The following ABTB3 variants were observed in gnomAD, a reference collection of about 807,000 sequenced individuals.
The protein encoded by ABTB3 is ankyrin repeat- and BTB/POZ domain-containing protein 3.
the ABTB3 span, among the ~76,000 whole-genome samples, chr12:107,409,556 C>A: frequency 2.6e-5 from 4 of 152,194 alleles, no homozygotes; most frequent in African/African-American, 9.7e-5. Context: ...TCCTTTGCAG[C>A]GACATGGATA....
the ABTB3 span, among the ~76,000 whole-genome samples, chr12:107,329,809 C>T: frequency 2.4e-4 from 37 of 152,308 alleles, no homozygotes; most frequent in Admixed American, 2.1e-3. Flanking sequence ...TTTCTATAGG[C>T]ACTGTGTTAA....
the ABTB3 span, among the ~76,000 whole-genome samples, chr12:107,381,579 G>A: frequency 2.0e-5 from 3 of 152,366 alleles, no homozygotes; most frequent in East Asian, 5.8e-4. Context: ...GGGCTGGGCA[G>A]TGTCAGGGAA....
the ABTB3 span, chr12:107,640,326 A>G: frequency 1.3e-6 from 2 of 1,578,802 alleles, no homozygotes; most frequent in Non-Finnish European, 1.7e-6. Flanking sequence ...CATTTTCTTA[A>G]CAATAAAGAA....
the ABTB3 span, among the ~76,000 whole-genome samples, chr12:107,584,383 G>C: frequency 6.6e-6 from 1 of 152,176 alleles, no homozygotes; most frequent in African/African-American, 2.4e-5. Flanking sequence ...GGACTTATCC[G>C]AGGTCACACA....
the ABTB3 span, among the ~76,000 whole-genome samples, chr12:107,582,811 G>A: frequency 7.2e-5 from 11 of 152,272 alleles, no homozygotes; most frequent in South Asian, 4.1e-4. Context: ...CACATTCTGC[G>A]TGCAGGCTCA....
the ABTB3 span, among the ~76,000 whole-genome samples, chr12:107,333,865 G>A: frequency 2.0e-5 from 3 of 152,196 alleles, no homozygotes; most frequent in Non-Finnish European, 4.4e-5. Context: ...AAGGGGAATC[G>A]GGAGAGTAGG....
the ABTB3 span, chr12:107,320,698 T>C: frequency 2.2e-6 from 1 of 456,066 alleles, no homozygotes. Context: ...CAGAGCAGTT[T>C]TTGAGGGCTA....
At chr12:107,376,230 T>C in the ABTB3 span, among the ~76,000 whole-genome samples, 1 of 152,128 alleles carries the variant, frequency 6.6e-6, no homozygotes, top group East Asian at 1.9e-4. Flanking sequence ...ACAGGGTATG[T>C]ATTACAAACA....
the ABTB3 span, among the ~76,000 whole-genome samples, chr12:107,390,873 A>G: frequency 2.2e-4 from 34 of 152,332 alleles, no homozygotes; most frequent in East Asian, 5.4e-3. Flanking sequence ...GAACTCGGCC[A>G]GGTGCAGTGG....
chr12:107,554,196 C>A, the ABTB3 span, among the ~76,000 whole-genome samples: 1 of 152,174 alleles, frequency 6.6e-6, no homozygotes, highest in Non-Finnish European at 1.5e-5. Context: ...GTCTTTGATC[C>A]TAAATTGTTG....
At chr12:107,566,876 G>A in the ABTB3 span, among the ~76,000 whole-genome samples, 1 of 152,172 alleles carries the variant, frequency 6.6e-6, no homozygotes, top group Non-Finnish European at 1.5e-5. Context: ...ACTTTGTGGG[G>A]CCAAGATAGG....
chr12:107,565,098 G>C, the ABTB3 span, among the ~76,000 whole-genome samples: 1 of 152,194 alleles, frequency 6.6e-6, no homozygotes, highest in Non-Finnish European at 1.5e-5. Context: ...TAGCAAGACC[G>C]AGAGAGGCTG....
chr12:107,619,369 A>G, the ABTB3 span, among the ~76,000 whole-genome samples: 90 of 152,304 alleles, frequency 5.9e-4, no homozygotes, highest in Admixed American at 2.4e-3. Flanking sequence ...CTGATGAAGT[A>G]CCTGCAGATG....
chr12:107,457,197 C>T, the ABTB3 span, among the ~76,000 whole-genome samples: 3 of 152,168 alleles, frequency 2.0e-5, no homozygotes, highest in African/African-American at 7.2e-5. Flanking sequence ...TAATCCTGGG[C>T]AAACCTGAAC....
At chr12:107,637,833 T>G in the ABTB3 span, among the ~76,000 whole-genome samples, 37 of 143,988 alleles carry the variant, frequency 2.6e-4, no homozygotes, top group East Asian at 4.4e-3. Flanking sequence ...TGTGTGTGTG[T>G]GGTATGGTGT....
At chr12:107,325,714 C>T in the ABTB3 span, among the ~76,000 whole-genome samples, 1 of 152,100 alleles carries the variant, frequency 6.6e-6, no homozygotes, top group African/African-American at 2.4e-5. Flanking sequence ...CTCATTATTA[C>T]CAGACTTATT....
the ABTB3 span, among the ~76,000 whole-genome samples, chr12:107,389,846 T>TGTGTGTG: frequency 2.1e-3 from 293 of 141,566 alleles, no homozygotes; most frequent in Middle Eastern, 0.011. Context: ...GTGTGTGTGT[T>TGTGTGTG]TGTGTGTGTG....
the ABTB3 span, among the ~76,000 whole-genome samples, chr12:107,569,899 C>T: frequency 6.6e-5 from 10 of 152,324 alleles, no homozygotes; most frequent in African/African-American, 2.2e-4. Context: ...TGGCTTCCAC[C>T]GCATGGTCCA....
the ABTB3 span, among the ~76,000 whole-genome samples, chr12:107,341,913 A>G: frequency 0.77 from 117,599 of 152,028 alleles, 46,323 homozygotes; most frequent in African/African-American, 0.94. Flanking sequence ...CCTGCTCCCC[A>G]CTCACCTTCT....
Sources: gnomAD v4.1 joint callset for allele counts (sites outside exome capture counted in the v4.1 genomes callset) on GRCh38, gnomAD v4.1.1 for gene constraint, MANE v1.5 for transcripts, NCBI Gene and HGNC (gene_info 2026-07-23, HGNC 2026-07-21) for gene names.